Variants in LIMCH1 observed in about 807,000 individuals in gnomAD.
LIMCH1 encodes LIM and calponin homology domains 1, also known as LIM and calponin homology domains-containing protein 1.
Under a neutral mutation model 176.5 loss-of-function variants are expected in LIMCH1, and 113 were observed. The observed-to-expected ratio is 0.64, with a 90% CI of 0.55 to 0.75. The LOEUF is 0.75. Among genes scored for constraint, LIMCH1 ranks in the 30% least tolerant of loss-of-function variants. The probability of loss-of-function intolerance (pLI) is 0.00; values close to 1 mark genes in which losing one functional copy is unlikely to be tolerated. For missense variants in LIMCH1, 1,674 were observed against 1,814.9 expected, an observed-to-expected ratio of 0.92 and a Z score of 1.41; for synonymous variants, 619 against 645.9, an observed-to-expected ratio of 0.96 and a Z score of 0.63.
intron 1 of LIMCH1, among the ~76,000 whole-genome samples, chr4:41,445,376 T>C (rs1029196998): frequency 6.6e-6 from 1 of 152,172 alleles, no homozygotes; most frequent in African/African-American, 2.4e-5. Flanking sequence ...TGATTGATTG[T>C]CCATGAAAGG....
At chr4:41,362,135 G>A (rs998770515) in intron 1 of LIMCH1, among the ~76,000 whole-genome samples, 3 of 152,168 alleles carry the variant, frequency 2.0e-5, no homozygotes, top group Non-Finnish European at 4.4e-5. Flanking sequence ...CTCACTTAAT[G>A]CTGCTCTCCT....
rs768388993 is a variant in LIMCH1, at chr4:41,680,968, T to C, written c.3626T>C (p.Ile1209Thr). ...CCTTCCCCTTAGGAGCGTAAGATAA[T>C]TGAAGACACTGTGGTTCCATTTACT... ...RRYYEEERKI[I>T]EDTVVPFTVS... The change falls in exon 25 of 32, where the codon ATT (isoleucine) becomes ACT (threonine). Residue 1209 changes from isoleucine (I) to threonine (T), a missense_variant. By Grantham distance (89) the Ile-to-Thr change is moderately conservative. Around this residue, in one of 3 missense-constraint regions of LIMCH1, gnomAD observed 1,015 missense variants for 1,102.5 expected, o/e 0.92. Coordinates refer to ENST00000503057, the MANE Select transcript of LIMCH1 (RefSeq NM_001330672.2). 1 of 1,599,482 alleles carries C rather than the reference T, an allele frequency of 6.3e-7. No homozygotes were observed. The highest frequency in any genetic ancestry group is 1.1e-5 in the South Asian group (1 of 90,632).
chr4:41,486,880 C>CAAGT (rs1221453310), intron 1 of LIMCH1, among the ~76,000 whole-genome samples: 1 of 151,510 alleles, frequency 6.6e-6, no homozygotes, highest in Non-Finnish European at 1.5e-5. Context: ...CTCCTGGGTT[C>CAAGT]AAGTGATTCT....
At chr4:41,595,895 C>G (rs902177817) in intron 1 of LIMCH1, among the ~76,000 whole-genome samples, 2 of 151,768 alleles carry the variant, frequency 1.3e-5, no homozygotes, top group Non-Finnish European at 2.9e-5. Flanking sequence ...ACTAAAAATA[C>G]AGAAATTAGC....
chr4:41,376,824 C>A, intron 1 of LIMCH1, among the ~76,000 whole-genome samples: 1 of 152,210 alleles, frequency 6.6e-6, no homozygotes, highest in East Asian at 1.9e-4. Context: ...TAAGAGACTG[C>A]TAATAGCTAT....
chr4:41,499,497 A>C (rs1342190166), intron 2 of LIMCH1, among the ~76,000 whole-genome samples: 3 of 152,236 alleles, frequency 2.0e-5, no homozygotes, highest in Admixed American at 6.5e-5. Context: ...TAGTATCCCC[A>C]GTAATATCCT....
At chr4:41,625,969 A>G (rs975863522) in intron 7 of LIMCH1, among the ~76,000 whole-genome samples, 1 of 152,124 alleles carries the variant, frequency 6.6e-6, no homozygotes, top group Non-Finnish European at 1.5e-5. Flanking sequence ...GAGAGCTATG[A>G]TTGCACCACT....
chr4:41,664,679 A>T (rs2094760269), intron 20 of LIMCH1, among the ~76,000 whole-genome samples: 1 of 152,200 alleles, frequency 6.6e-6, no homozygotes, highest in South Asian at 2.1e-4. Flanking sequence ...TGCAAGTAAA[A>T]CATATAACTT....
At chr4:41,694,802 A>T (rs1729181619) in intron 31 of LIMCH1, among the ~76,000 whole-genome samples, 1 of 152,056 alleles carries the variant, frequency 6.6e-6, no homozygotes, top group African/African-American at 2.4e-5. Context: ...TGCTTTTTAA[A>T]TTTTCAGACA....
At chr4:41,538,555 CTT>C (rs60418235) in intron 1 of LIMCH1, among the ~76,000 whole-genome samples, 22 of 143,156 alleles carry the variant, frequency 1.5e-4, no homozygotes, top group Admixed American at 2.1e-4. Context: ...TTTAATTAAG[CTT>C]TTTTTTTTTT....
Position 41,644,625 on chromosome 4 carries a change from A to G in LIMCH1, c.2252A>G (p.Asp751Gly). 6.2e-7 allele frequency: 1 copy of G among 1,609,758 alleles called. No individual in the cohort carries two copies. The highest frequency in any genetic ancestry group is 8.5e-7 in the Non-Finnish European group (1 of 1,177,648). The change falls in exon 15 of 32, where the codon GAT becomes GGT. Residue 751 changes from aspartate to glycine, a missense_variant and splice_region_variant. Transcript: ENST00000503057. ...AGGGAAGAGGACGACAAATGGCAAG[A>G]TGTGAGTTGTGGCCAAGGCGCGCGG... ...QLREEDDKWQ[D>G]DLARWKSRRR...
intron 1 of LIMCH1, among the ~76,000 whole-genome samples, chr4:41,578,658 C>T (rs1423919996): frequency 6.6e-6 from 1 of 151,946 alleles, no homozygotes; most frequent in Non-Finnish European, 1.5e-5. Context: ...AAATTTCCCC[C>T]CACACATTTA....
At chr4:41,398,774 A>G (rs11934259) in intron 1 of LIMCH1, among the ~76,000 whole-genome samples, 1 of 152,086 alleles carries the variant, frequency 6.6e-6, no homozygotes, top group Non-Finnish European at 1.5e-5. Flanking sequence ...AAGAGTGTGA[A>G]ATAAATATTC....
intron 22 of LIMCH1, among the ~76,000 whole-genome samples, chr4:41,675,090 T>A (rs1036259371): frequency 6.6e-6 from 1 of 152,160 alleles, no homozygotes; most frequent in Non-Finnish European, 1.5e-5. Flanking sequence ...TCCCAATCAA[T>A]TGCAGGAAGC....
At chr4:41,416,726 C>G (rs976109282) in intron 1 of LIMCH1, among the ~76,000 whole-genome samples, 44 of 151,446 alleles carry the variant, frequency 2.9e-4, no homozygotes, top group African/African-American at 1.0e-3. Flanking sequence ...GCTACACACA[C>G]ACAATATAGT....
intron 2 of LIMCH1, among the ~76,000 whole-genome samples, chr4:41,502,907 T>TCACACACACACA (rs71650929): frequency 7.0e-6 from 1 of 142,124 alleles, no homozygotes; most frequent in Non-Finnish European, 1.5e-5. Context: ...CGGAGGTAAA[T>TCACACACACACA]CACACACACA....
intron 1 of LIMCH1, among the ~76,000 whole-genome samples, chr4:41,582,912 C>T (rs7692048): frequency 0.22 from 34,096 of 151,954 alleles, 4,583 homozygotes; most frequent in African/African-American, 0.37. Flanking sequence ...TATTGTGTGC[C>T]CTTGGAACTT....
chr4:41,503,046 C>CATCT (rs1345989921), intron 2 of LIMCH1, among the ~76,000 whole-genome samples: 2 of 150,502 alleles, frequency 1.3e-5, no homozygotes, highest in Admixed American at 1.3e-4. Flanking sequence ...TCCATCCATC[C>CATCT]ATCTCTTGCC....
intron 1 of LIMCH1, among the ~76,000 whole-genome samples, chr4:41,585,594 CT>C (rs554680121): frequency 1.3e-5 from 2 of 152,124 alleles, no homozygotes; most frequent in Non-Finnish European, 2.9e-5. Flanking sequence ...CTGTGTTTAA[CT>C]TTTTGAGGAA....
Sources: allele counts gnomAD v4.1 joint callset (sites outside exome capture counted in the v4.1 genomes callset), GRCh38; gene constraint gnomAD v4.1.1; regional missense constraint gnomAD v4.1.1; transcripts MANE v1.5; gene names NCBI Gene and HGNC (gene_info 2026-07-23, HGNC 2026-07-21).